The following CACNA1A variants were observed in gnomAD, a reference collection of about 807,000 sequenced individuals.
CACNA1A encodes voltage-dependent P/Q-type calcium channel subunit alpha-1A.
Under a neutral mutation model 262.4 loss-of-function variants are expected in CACNA1A, and 57 were observed. The observed-to-expected ratio is 0.22, with a 90% CI of 0.18 to 0.27. The LOEUF is 0.27. CACNA1A is among the 10% of genes least tolerant of loss of function. The pLI is 1.00. For synonymous variants in CACNA1A, 1,431 were observed against 1,419.3 expected, an observed-to-expected ratio of 1.01 and a Z score of -0.18; for missense variants, 2,526 against 3,562.8, an observed-to-expected ratio of 0.71 and a Z score of 7.41.
At chr19:13,257,240 C>T in intron 28 of CACNA1A, 110 bp downstream of exon 28, 1 of 836,092 alleles carries the variant, frequency 1.2e-6, no homozygotes, top group Non-Finnish European at 1.9e-6. Context: ...GACAATGCTT[C>T]TGTTCCCTCC....
At position 13,212,571 on chromosome 19, in the gene CACNA1A, C is replaced by T. The variant is rs757805368; in HGVS notation, c.6051-49G>A. On this transcript the variant is annotated intron_variant, in intron 41 of 46. Coordinates refer to ENST00000360228, the MANE Select transcript of CACNA1A (RefSeq NM_001127222.2). This position sits in a 1 kb window ranked among gnomAD's most constrained non-coding sequence, Gnocchi z 5.6. ...GTAGCAGTGGGCGCTTGGGCAGCTTCCAGAACGTGGGGACCACGGCACCCC... is the reference window on the plus strand; with the variant it reads ...GTAGCAGTGGGCGCTTGGGCAGCTTTCAGAACGTGGGGACCACGGCACCCC... The T allele has an allele frequency of 6.6e-6, 10 of 1,521,142 alleles. No homozygotes were observed. The Admixed American group carries it at 2.0e-4, about 31-fold the overall frequency. 94.2% of individuals were successfully genotyped at this position (1,521,142 alleles called of 1,614,324 possible).
At chr19:13,467,313 C>A (rs2061264960) in intron 1 of CACNA1A, among the ~76,000 whole-genome samples, 1 of 151,756 alleles carries the variant, frequency 6.6e-6, no homozygotes, top group Non-Finnish European at 1.5e-5. Context: ...TAATTAAAAC[C>A]TTTTTTTAAA....
intron 24 of CACNA1A, among the ~76,000 whole-genome samples, chr19:13,268,219 C>T (rs939567936): frequency 7.9e-5 from 12 of 152,112 alleles, no homozygotes; most frequent in African/African-American, 2.9e-4. Flanking sequence ...AACTCTGAAG[C>T]CCTCTGAGCA....
chr19:13,317,484 A>T (rs921158871), intron 10 of CACNA1A, among the ~76,000 whole-genome samples, 163 bp from the exon 11 acceptor site: 1 of 152,206 alleles, frequency 6.6e-6, no homozygotes, highest in Non-Finnish European at 1.5e-5. Context: ...AGTTTTGCAT[A>T]GATGGAGCTT....
At chr19:13,276,338 T>C (rs2057147194) in intron 23 of CACNA1A, among the ~76,000 whole-genome samples, 1 of 152,184 alleles carries the variant, frequency 6.6e-6, no homozygotes, top group African/African-American at 2.4e-5. Flanking sequence ...CCTGTCCCCG[T>C]CATCGCCCAT....
intron 4 of CACNA1A, among the ~76,000 whole-genome samples, chr19:13,368,992 C>T (rs1190846002): frequency 2.4e-5 from 3 of 122,890 alleles, no homozygotes; most frequent in South Asian, 2.3e-4. Flanking sequence ...GAGCCGAGAT[C>T]TCGCCACTGC....
At chr19:13,453,778 G>A (rs1230829769) in intron 2 of CACNA1A, among the ~76,000 whole-genome samples, 9 of 152,046 alleles carry the variant, frequency 5.9e-5, no homozygotes, top group Non-Finnish European at 5.9e-5. Context: ...AACGTTTCTC[G>A]AGCTACAATC....
chr19:13,428,269 TA>T (rs1324952116), intron 3 of CACNA1A, among the ~76,000 whole-genome samples: 3 of 152,190 alleles, frequency 2.0e-5, no homozygotes, highest in African/African-American at 7.2e-5. Context: ...TTAAATGGGT[TA>T]ATATTTGTAA....
chr19:13,338,636 A>C (rs893619501), intron 6 of CACNA1A, among the ~76,000 whole-genome samples: 1 of 152,186 alleles, frequency 6.6e-6, no homozygotes, highest in Non-Finnish European at 1.5e-5. Context: ...CATTTATGCA[A>C]AATACAAAAC....
intron 6 of CACNA1A, among the ~76,000 whole-genome samples, chr19:13,355,897 T>C (rs2059000035): frequency 6.6e-6 from 1 of 152,166 alleles, no homozygotes; most frequent in South Asian, 2.1e-4. Context: ...GCATCCTCCT[T>C]CTTCCCATCC....
chr19:13,410,739 T>C (rs79979814), intron 3 of CACNA1A, among the ~76,000 whole-genome samples: 1 of 152,056 alleles, frequency 6.6e-6, no homozygotes, highest in South Asian at 2.1e-4. Flanking sequence ...TCCATGCCAC[T>C]ACATCCAATG....
intron 36 of CACNA1A, 142 bp downstream of exon 36, chr19:13,229,939 TC>T: frequency 1.1e-6 from 1 of 903,806 alleles, no homozygotes. Flanking sequence ...GATTCTTATA[TC>T]TTCTCTCCTG....
In CACNA1A at chr19:13,473,251, A is replaced by AC. The variant is rs1486954468; in HGVS notation, c.294-18040dup. ...TACAGGGTGACAGAGTGAGGCCCTG[A>AC]CAAAAAAAAAAAAAAGAGAGAGAGA... is the stretch of plus-strand genomic sequence containing the variant. On this transcript the variant is annotated intron_variant, in intron 1 of 46. Coordinates refer to ENST00000360228, the MANE Select transcript of CACNA1A (RefSeq NM_001127222.2). Among the ~76,000 whole-genome samples the AC allele has an allele frequency of 3.7e-3, 471 of 125,702 alleles. 2 individuals are homozygous for AC. Among genetic ancestry groups the AC allele is most frequent in the Middle Eastern group, 0.023 (6 of 256 alleles). The allele number at this position is 125,702 out of a possible 152,430, so 82.5% of individuals were successfully genotyped here.
At chr19:13,287,130 T>C (rs965479456) in intron 19 of CACNA1A, among the ~76,000 whole-genome samples, 164 bp from the exon 20 acceptor site, 3 of 152,162 alleles carry the variant, frequency 2.0e-5, no homozygotes, top group South Asian at 2.1e-4. Flanking sequence ...GGCAGGAGGA[T>C]TGCTTAAGGC....
At chr19:13,245,424 A>G (rs1600159820) in intron 30 of CACNA1A, 159 bp from the exon 31 acceptor site, 2 of 641,806 alleles carry the variant, frequency 3.1e-6, no homozygotes, top group East Asian at 5.6e-5. Flanking sequence ...GTTCGACATC[A>G]TCTGTGCTGA....
intron 6 of CACNA1A, among the ~76,000 whole-genome samples, chr19:13,354,869 C>CTTTTTTTTTTTTTTTTTTTTTTTTTTT (rs56350383): frequency 8.7e-6 from 1 of 115,100 alleles, no homozygotes; most frequent in African/African-American, 3.8e-5. Context: ...TTTTCTTTTT[C>CTTTTTTTTTTTTTTTTTTTTTTTTTTT]TTTTTTTTTT....
Position 13,480,413 on chromosome 19 carries a change from TTG to T in CACNA1A, c.294-25203_294-25202del, listed in dbSNP as rs143287474. The stretch of plus-strand genomic sequence containing the variant: ...ACTTTCTCCTCCCTAGCTTACTTTA[TTG>T]TAAGAATACAGTATATAATGCATAT... On this transcript the variant is annotated intron_variant, in intron 1 of 46. Coordinates refer to ENST00000360228, the MANE Select transcript of CACNA1A (RefSeq NM_001127222.2). 3.8e-3 allele frequency among the ~76,000 whole-genome samples: 575 copies of T among 152,364 alleles called. 3 individuals carry two copies. Among genetic ancestry groups the T allele is most frequent in the African/African-American group, 0.013 (524 of 41,582 alleles).
chr19:13,429,554 T>C (rs1426329513), intron 3 of CACNA1A, among the ~76,000 whole-genome samples: 4 of 143,124 alleles, frequency 2.8e-5, no homozygotes, highest in African/African-American at 5.2e-5. Flanking sequence ...AAAAAAAAGC[T>C]TCAGAGCCAA....
At chr19:13,433,364 C>T (rs923177155) in intron 3 of CACNA1A, among the ~76,000 whole-genome samples, 6 of 145,792 alleles carry the variant, frequency 4.1e-5, no homozygotes, top group Admixed American at 1.4e-4. Flanking sequence ...AGGAGGCTGA[C>T]GTGGGAGGAT....
Sources: allele counts gnomAD v4.1 joint callset (sites outside exome capture counted in the v4.1 genomes callset), GRCh38; gene constraint gnomAD v4.1.1; non-coding constraint Gnocchi (gnomAD v3.1); transcripts MANE v1.5; gene names NCBI Gene and HGNC (gene_info 2026-07-23, HGNC 2026-07-21).